CORO2B: variants seen among roughly 807,000 people sequenced by gnomAD.
CORO2B encodes coronin-2B.
CORO2B carries 26 observed loss-of-function variants against 58.8 expected under a neutral mutation model. That is an observed-to-expected ratio of 0.44 (90% CI 0.32 to 0.61). The LOEUF (loss-of-function observed/expected upper bound fraction) is 0.61, where lower values mean the gene tolerates loss of function less well. Among genes scored for constraint, CORO2B ranks in the 20% least tolerant of loss-of-function variants. The pLI, the probability that CORO2B is intolerant of heterozygous loss-of-function variation, is 0.04. For missense variants in CORO2B, 460 were observed against 645.1 expected (o/e 0.71, Z 3.11); for synonymous variants, 242 against 253.8 (o/e 0.95, Z 0.44).
At position 68,579,153 on chromosome 15, in the gene CORO2B, C is replaced by A. The variant is rs1310123244; in HGVS notation, c.-110C>A. 1 of 981,044 alleles carries A rather than the reference C, an allele frequency of 1.0e-6. No homozygotes were observed. Among genetic ancestry groups the A allele is most frequent in the Non-Finnish European group, 1.2e-6 (1 of 828,148 alleles). The allele number at this position is 981,044 out of a possible 1,614,324, so 60.8% of individuals were successfully genotyped here. ...AGGCTCGGCCGAGCCGCCGGCGGGG[C>A]GCGGGGAGCGAGCCGGGAGCTGCCG... On this transcript the variant is annotated 5_prime_UTR_variant, in exon 1 of 12. Transcript: ENST00000261861.
At chr15:68,617,030 A>G (rs1426579793) in intron 1 of CORO2B, among the ~76,000 whole-genome samples, 3 of 152,236 alleles carry the variant, frequency 2.0e-5, no homozygotes, top group Non-Finnish European at 4.4e-5. Flanking sequence ...TATGGAGAGT[A>G]GTAACCCTGG....
At chr15:68,690,310 C>G (rs1892326308) in intron 2 of CORO2B, among the ~76,000 whole-genome samples, 1 of 152,202 alleles carries the variant, frequency 6.6e-6, no homozygotes, top group Admixed American at 6.5e-5. Context: ...AATCCCTGTC[C>G]CGTCTTGTGA....
intron 2 of CORO2B, among the ~76,000 whole-genome samples, chr15:68,665,188 T>TC (rs1902155744): frequency 6.6e-6 from 1 of 152,174 alleles, no homozygotes; most frequent in Non-Finnish European, 1.5e-5. Context: ...TAACTTTTTT[T>TC]CCCCCAGGTA....
chr15:68,574,552 C>T (rs1315313124), upstream of CORO2B, among the ~76,000 whole-genome samples: 1 of 152,108 alleles, frequency 6.6e-6, no homozygotes, highest in Non-Finnish European at 1.5e-5. Context: ...GGCAGAGCCT[C>T]ACACCGAGAG....
intron 2 of CORO2B, among the ~76,000 whole-genome samples, chr15:68,658,736 A>G (rs1196301277): frequency 6.6e-6 from 1 of 152,218 alleles, no homozygotes; most frequent in African/African-American, 2.4e-5. Flanking sequence ...TGTAAATGAA[A>G]CAGAGTAGAT....
the CORO2B span, among the ~76,000 whole-genome samples, chr15:68,540,870 C>T: frequency 0.97 from 147,706 of 152,260 alleles, 71,663 homozygotes; most frequent in East Asian, 1. Context: ...ACCTTTGCTT[C>T]TGTACCATCA....
chr15:68,680,150 T>G (rs916048678), intron 2 of CORO2B, among the ~76,000 whole-genome samples: 20 of 152,168 alleles, frequency 1.3e-4, no homozygotes, highest in African/African-American at 4.3e-4. Context: ...AGCATGTGGA[T>G]GGTGCCATGT....
chr15:68,575,892 C>T (rs1043373123), upstream of CORO2B, among the ~76,000 whole-genome samples: 2 of 151,626 alleles, frequency 1.3e-5, no homozygotes, highest in South Asian at 2.1e-4. Context: ...TGGTGGCTCA[C>T]ACCTGTAATC....
the CORO2B span, among the ~76,000 whole-genome samples, chr15:68,528,295 TC>T: frequency 6.6e-6 from 1 of 152,184 alleles, no homozygotes; most frequent in Non-Finnish European, 1.5e-5. Flanking sequence ...ATTCTCTTTA[TC>T]AAGTTGAGGA....
chr15:68,619,763 G>A lies in CORO2B; in HGVS notation c.16-25397G>A, dbSNP rs181067762. 9.9e-5 allele frequency among the ~76,000 whole-genome samples: 15 copies of A among 152,180 alleles called. No individual in the cohort carries two copies. In the East Asian group the frequency reaches 2.1e-3, roughly 22 times the overall value. ...TATGAGTGCGTGCATGCGTGTGTGT[G>A]TGTGCACGTGTTCATTCTCAGCAAA... On this transcript the variant is annotated intron_variant, in intron 1 of 11. Coordinates refer to ENST00000261861, the MANE Select transcript of CORO2B (RefSeq NM_006091.5).
chr15:68,578,344 GC>G (rs1206182979), upstream of CORO2B, among the ~76,000 whole-genome samples: 2 of 152,222 alleles, frequency 1.3e-5, no homozygotes. This position sits in a 1 kb window ranked among gnomAD's most constrained non-coding sequence, Gnocchi z 4.2. Context: ...CAGGTCCTGT[GC>G]TGTGGTCTAA....
chr15:68,619,891 A>C (rs1318179445), intron 1 of CORO2B, among the ~76,000 whole-genome samples: 2 of 152,044 alleles, frequency 1.3e-5, no homozygotes, highest in African/African-American at 4.8e-5. Context: ...ATTTTATAGA[A>C]GATGAAAGTG....
chr15:68,639,286 G>T (rs1055652319), intron 1 of CORO2B, among the ~76,000 whole-genome samples: 1 of 152,204 alleles, frequency 6.6e-6, no homozygotes, highest in Non-Finnish European at 1.5e-5. Flanking sequence ...GGCATGGAGT[G>T]GGGTGGGGCT....
intron 2 of CORO2B, among the ~76,000 whole-genome samples, chr15:68,657,360 C>A (rs1193426203): frequency 6.6e-6 from 1 of 151,636 alleles, no homozygotes; most frequent in East Asian, 1.9e-4. Flanking sequence ...CTACGAAATA[C>A]AAAAAAATTA....
chr15:68,619,754 C>T (rs982776765), intron 1 of CORO2B, among the ~76,000 whole-genome samples: 23 of 151,218 alleles, frequency 1.5e-4, no homozygotes, highest in Middle Eastern at 3.2e-3. Flanking sequence ...TGCGTGCATG[C>T]GTGTGTGTGT....
chr15:68,610,946 A>C (rs1900233654), intron 1 of CORO2B, among the ~76,000 whole-genome samples: 1 of 152,240 alleles, frequency 6.6e-6, no homozygotes, highest in South Asian at 2.1e-4. Context: ...GCAGCCAAGG[A>C]AAGAATCCCA....
Position 68,645,835 on chromosome 15 carries a change from G to A in CORO2B, c.216+475G>A, listed in dbSNP as rs774817089. Reference sequence around the variant, plus strand: ...GTCGTCCAGGCTGAAGTTCAATGGCGCGATCTCGGCTCACTGCAACCTCTG... The same window carrying A: ...GTCGTCCAGGCTGAAGTTCAATGGCACGATCTCGGCTCACTGCAACCTCTG... On this transcript the variant is annotated intron_variant, in intron 2 of 11. Coordinates refer to ENST00000261861, the MANE Select transcript of CORO2B (RefSeq NM_006091.5). The surrounding 1 kb of genome is among the most constrained non-coding windows in gnomAD (Gnocchi z 4.5). Among the ~76,000 whole-genome samples, 4 of 151,898 alleles carry A rather than the reference G, an allele frequency of 2.6e-5. No individual in the cohort carries two copies. Among genetic ancestry groups the A allele is most frequent in the Non-Finnish European group, 5.9e-5 (4 of 68,002 alleles).
At chr15:68,662,405 G>A (rs1902046002) in intron 2 of CORO2B, among the ~76,000 whole-genome samples, 1 of 152,160 alleles carries the variant, frequency 6.6e-6, no homozygotes, top group Non-Finnish European at 1.5e-5. Flanking sequence ...CATAACTCAG[G>A]AATAACTTCA....
chr15:68,617,473 C>T (rs1314587301), intron 1 of CORO2B, among the ~76,000 whole-genome samples: 6 of 152,174 alleles, frequency 3.9e-5, no homozygotes, highest in Non-Finnish European at 5.9e-5. Context: ...GGTCACTTGC[C>T]CATACTGGAC....
Sources: allele counts gnomAD v4.1 joint callset (sites outside exome capture counted in the v4.1 genomes callset), GRCh38; gene constraint gnomAD v4.1.1; non-coding constraint Gnocchi (gnomAD v3.1); transcripts MANE v1.5; gene names NCBI Gene and HGNC (gene_info 2026-07-23, HGNC 2026-07-21).